The following DOCK4 variants were observed in gnomAD, a reference collection of about 807,000 sequenced individuals.
DOCK4 encodes dedicator of cytokinesis 4.
In DOCK4, 97 loss-of-function variants were observed where a neutral mutation model predicts 268.1. The observed-to-expected ratio is 0.36, with a 90% CI of 0.31 to 0.43. The LOEUF is 0.43. Among genes scored for constraint, DOCK4 ranks in the 20% least tolerant of loss-of-function variants. The pLI is 1.00. For missense variants in DOCK4, 2,145 were observed against 2,455.7 expected (o/e 0.87, Z 2.67); for synonymous variants, 954 against 887.2 (o/e 1.08, Z -1.34).
Position 111,950,161 on chromosome 7 carries a change from A to T in DOCK4, c.702-4363T>A, listed in dbSNP as rs1795939870. 3.9e-5 allele frequency among the ~76,000 whole-genome samples: 6 copies of T among 152,184 alleles called. No individual in the cohort carries two copies. In the South Asian group the frequency reaches 1.2e-3, roughly 32 times the overall value. On this transcript the variant is annotated intron_variant, in intron 8 of 52. Coordinates refer to ENST00000428084, the MANE Select transcript of DOCK4 (RefSeq NM_001363540.2). ...AGGCTGGTCTCCAACTCCTGACCTC[A>T]GGTGATCTGCCTGCCTCACCCTCCC... is the stretch of plus-strand genomic sequence containing the variant.
At chr7:112,178,551 A>T (rs1488080302) in intron 1 of DOCK4, among the ~76,000 whole-genome samples, 1 of 152,164 alleles carries the variant, frequency 6.6e-6, no homozygotes, top group Non-Finnish European at 1.5e-5. Flanking sequence ...AGTGCTAGGA[A>T]AAGAGCTGAA....
At chr7:112,114,923 C>A (rs973562134) in intron 1 of DOCK4, among the ~76,000 whole-genome samples, 2 of 152,162 alleles carry the variant, frequency 1.3e-5, no homozygotes, top group African/African-American at 4.8e-5. Flanking sequence ...TTTGCCCTTA[C>A]AGACTCTCCA....
intron 12 of DOCK4, among the ~76,000 whole-genome samples, chr7:111,932,836 C>T (rs1233751298): frequency 6.6e-6 from 1 of 151,992 alleles, no homozygotes; most frequent in Non-Finnish European, 1.5e-5. Flanking sequence ...ATGGCTGCTG[C>T]CTCCTGAATT....
At chr7:112,092,148 T>C (rs907873538) in intron 1 of DOCK4, among the ~76,000 whole-genome samples, 1 of 152,124 alleles carries the variant, frequency 6.6e-6, no homozygotes, top group Non-Finnish European at 1.5e-5. Flanking sequence ...ATAACTTTGT[T>C]TGGCAAATGA....
intron 30 of DOCK4, among the ~76,000 whole-genome samples, chr7:111,792,813 G>A (rs543398656): frequency 2.0e-5 from 3 of 152,268 alleles, no homozygotes; most frequent in African/African-American, 7.2e-5. Flanking sequence ...GAAGTGCCTT[G>A]GGAAACCTCC....
At chr7:111,865,036 G>C (rs982623566) in intron 22 of DOCK4, among the ~76,000 whole-genome samples, 2 of 152,190 alleles carry the variant, frequency 1.3e-5, no homozygotes, top group South Asian at 4.1e-4. Flanking sequence ...GGCAAGCTGA[G>C]AGTTTTTACT....
chr7:111,874,166 TC>T (rs1806653964), intron 17 of DOCK4, among the ~76,000 whole-genome samples: 1 of 152,082 alleles, frequency 6.6e-6, no homozygotes, highest in African/African-American at 2.4e-5. Flanking sequence ...TCTTTCATAA[TC>T]CCTCGTGCAT....
chr7:111,943,452 C>T (rs964899232), intron 10 of DOCK4, among the ~76,000 whole-genome samples: 5 of 152,220 alleles, frequency 3.3e-5, no homozygotes, highest in East Asian at 1.9e-4. Context: ...TTTTCTCTTA[C>T]TGCTGTCAGA....
At chr7:111,733,330 C>T (rs1337165454) in intron 51 of DOCK4, among the ~76,000 whole-genome samples, 1 of 152,190 alleles carries the variant, frequency 6.6e-6, no homozygotes, top group African/African-American at 2.4e-5. Flanking sequence ...GGGGTAAGGT[C>T]ATCTGTGTGC....
intron 31 of DOCK4, chr7:111,789,026 A>C: frequency 2.2e-6 from 1 of 459,128 alleles, no homozygotes; most frequent in South Asian, 3.1e-5. Context: ...GCCCAGTTTA[A>C]ACGTTTGAAT....
At chr7:111,735,762 T>A (rs1208929302) in intron 50 of DOCK4, among the ~76,000 whole-genome samples, 1 of 152,216 alleles carries the variant, frequency 6.6e-6, no homozygotes, top group African/African-American at 2.4e-5. Context: ...GGGGCAATCC[T>A]GGCAGGAATA....
chr7:112,114,871 G>A (rs1468454623), intron 1 of DOCK4, among the ~76,000 whole-genome samples: 1 of 152,120 alleles, frequency 6.6e-6, no homozygotes, highest in Non-Finnish European at 1.5e-5. Flanking sequence ...CAAATCCAAA[G>A]TAAAAAGGCG....
At chr7:111,915,041 C>G (rs73428842) in intron 13 of DOCK4, among the ~76,000 whole-genome samples, 3 of 152,188 alleles carry the variant, frequency 2.0e-5, no homozygotes, top group Non-Finnish European at 2.9e-5. Context: ...CATCAGCAAA[C>G]GTACTATTCT....
chr7:111,852,109 T>C (rs1244357550), intron 23 of DOCK4, among the ~76,000 whole-genome samples: 1 of 152,032 alleles, frequency 6.6e-6, no homozygotes, highest in Admixed American at 6.6e-5. Context: ...ATTACAGGCA[T>C]TCGCCGCCAT....
intron 26 of DOCK4, among the ~76,000 whole-genome samples, chr7:111,833,882 C>G (rs2134022688): frequency 6.6e-6 from 1 of 152,248 alleles, no homozygotes; most frequent in East Asian, 1.9e-4. Context: ...AGCAACAATT[C>G]TAATATGATG....
chr7:112,173,621 G>A (rs1446827345), intron 1 of DOCK4, among the ~76,000 whole-genome samples: 1 of 152,046 alleles, frequency 6.6e-6, no homozygotes. Flanking sequence ...GTAATATTTA[G>A]GAATCATCTG....
At chr7:112,069,369 G>A (rs895327569) in intron 1 of DOCK4, among the ~76,000 whole-genome samples, 1 of 152,114 alleles carries the variant, frequency 6.6e-6, no homozygotes, top group African/African-American at 2.4e-5. Flanking sequence ...TTGCCTTTAA[G>A]GGGCTCTCAG....
intron 13 of DOCK4, among the ~76,000 whole-genome samples, chr7:111,907,504 C>A (rs928287774): frequency 6.6e-6 from 1 of 152,126 alleles, no homozygotes; most frequent in African/African-American, 2.4e-5. Context: ...TTGAGAGGTA[C>A]CAGTCCCTCC....
intron 26 of DOCK4, among the ~76,000 whole-genome samples, chr7:111,832,173 A>G (rs540318958): frequency 6.6e-6 from 1 of 152,308 alleles, no homozygotes; most frequent in East Asian, 1.9e-4. Flanking sequence ...TTCAGGTGAT[A>G]TTTTAATAGA....
Sources: allele counts gnomAD v4.1 joint callset (sites outside exome capture counted in the v4.1 genomes callset), GRCh38; gene constraint gnomAD v4.1.1; transcripts MANE v1.5; gene names NCBI Gene and HGNC (gene_info 2026-07-23, HGNC 2026-07-21).